The following ESYT1 variants were observed in gnomAD, a reference collection of about 807,000 sequenced individuals.
ESYT1 encodes extended synaptotagmin 1, also known as extended synaptotagmin-1.
Under a neutral mutation model 154.2 loss-of-function variants are expected in ESYT1, and 116 were observed. The observed-to-expected ratio is 0.75, with a 90% confidence interval of 0.65 to 0.88. The LOEUF (loss-of-function observed/expected upper bound fraction) is 0.88. ESYT1 is among the 40% of genes least tolerant of loss of function. ESYT1 has a pLI of 0.00. For missense variants in ESYT1, 1,264 were observed against 1,379.3 expected (o/e 0.92, Z 1.32); for synonymous variants, 500 against 539.9 (o/e 0.93, Z 1.02).
At position 56,132,542 on chromosome 12, in the gene ESYT1, T is replaced by C; in HGVS notation, c.1106T>C (p.Phe369Ser). The part of the protein sequence containing the change: ...YALVRLGTQT[F>S]CSRVIDEELN... Reference sequence around the variant, plus strand: ...CTTGTGCGTTTGGGTACCCAGACATTCTGCAGTCGTGTCATTGATGAAGAA... The same window carrying C: ...CTTGTGCGTTTGGGTACCCAGACATCCTGCAGTCGTGTCATTGATGAAGAA... The change falls in exon 9 of 31, where the codon TTC becomes TCC. Residue 369 changes from phenylalanine (F) to serine (S), a missense_variant. Phe to Ser is a radical substitution (Grantham distance 155). Transcript: ENST00000394048. 6.2e-7 allele frequency: 1 copy of C among 1,614,170 alleles called. No homozygotes were observed. The highest frequency in any genetic ancestry group is 1.1e-5 in the South Asian group (1 of 91,088).
chr12:56,130,144 C>T (rs1870172675), intron 1 of ESYT1, among the ~76,000 whole-genome samples: 1 of 152,104 alleles, frequency 6.6e-6, no homozygotes, highest in African/African-American at 2.4e-5. Context: ...AACTCCTGAC[C>T]TCGTGATCCG....
chr12:56,130,302 C>G lies in ESYT1; in HGVS notation c.391-280C>G, dbSNP rs1256695856. The G allele has an allele frequency of 7.4e-6, 4 of 539,762 alleles. No homozygotes were observed. The Admixed American group carries it at 9.2e-5, about 12-fold the overall frequency. The allele number at this position is 539,762 out of a possible 1,614,324, so 33.4% of individuals were successfully genotyped here. ...GAAAGAATGCGCCCTTCTCCTCCTC[C>G]CGCTCCTCTCTCTCTCAGCAGCTGT... On this transcript the variant is annotated intron_variant, in intron 1 of 30. Transcript: ENST00000394048.
rs970447217 is a variant in ESYT1 at position 56,131,134 on chromosome 12, T to A, written c.641+21T>A. On this transcript the variant is annotated intron_variant, in intron 4 of 30. Transcript: ENST00000394048. ...ATCAGGTAATACCACTCACCACTCT[T>A]ACTGCTTCCCCTTCAATGTGTCCTG... is the stretch of plus-strand genomic sequence containing the variant. 6.8e-6 allele frequency: 11 copies of A among 1,613,886 alleles called. No homozygotes were observed. The African/African-American group carries it at 1.2e-4, about 18-fold the overall frequency.
intron 9 of ESYT1, 54 bp downstream of exon 9, chr12:56,132,651 G>A: frequency 1.2e-6 from 2 of 1,613,858 alleles, no homozygotes; most frequent in Non-Finnish European, 1.7e-6. Flanking sequence ...GGTTGTGAGA[G>A]AAGATGCTGA....
chr12:56,134,077 A>G (rs564516264), intron 13 of ESYT1, 33 bp from the exon 14 acceptor site: 3 of 1,613,364 alleles, frequency 1.9e-6, no homozygotes, highest in Non-Finnish European at 2.5e-6. Flanking sequence ...CGAATCCCCC[A>G]AGATGGTGAC....
chr12:56,128,716 G>T lies in ESYT1; in HGVS notation c.390+7G>T, dbSNP rs768946028. 2 of 1,612,682 alleles carry T rather than the reference G, an allele frequency of 1.2e-6. No homozygotes were observed. The highest frequency in any genetic ancestry group is 1.7e-6 in the Non-Finnish European group (2 of 1,180,012). On this transcript the variant is annotated splice_region_variant and intron_variant, in intron 1 of 30. Coordinates refer to ENST00000394048, the MANE Select transcript of ESYT1 (RefSeq NM_015292.3). Reference sequence around the variant, plus strand: ...TCGAGAGCTACCTGCCTGGGTGAGCGACCACCCTCGGTCCTCTGTGCAGCA... The same window carrying T: ...TCGAGAGCTACCTGCCTGGGTGAGCTACCACCCTCGGTCCTCTGTGCAGCA...
At chr12:56,134,577 C>T (rs1870372312) in intron 15 of ESYT1, 149 bp downstream of exon 15, 5 of 692,926 alleles carry the variant, frequency 7.2e-6, no homozygotes, top group African/African-American at 1.8e-5. Flanking sequence ...CTCCATTGTT[C>T]CCCAACTGTC....
rs201551054 is a variant in ESYT1, at chr12:56,133,750, C to A, written c.1381-31C>A. On this transcript the variant is annotated intron_variant, in intron 12 of 30. Coordinates refer to ENST00000394048, the MANE Select transcript of ESYT1 (RefSeq NM_015292.3). Reference sequence around the variant, plus strand: ...AAGTGTAGGGGACTTGGAACGGGGACCAAGATCTGACTACTACCACCCCTC... The same window carrying A: ...AAGTGTAGGGGACTTGGAACGGGGAACAAGATCTGACTACTACCACCCCTC... The A allele has an allele frequency of 5.0e-6, 8 of 1,613,068 alleles. 1 individual carries two copies. In the East Asian group the frequency reaches 1.8e-4, roughly 36 times the overall value.
At chr12:56,138,622 G>A in intron 22 of ESYT1, 123 bp downstream of exon 22, 3 of 1,286,200 alleles carry the variant, frequency 2.3e-6, no homozygotes, top group Non-Finnish European at 3.3e-6. Flanking sequence ...GGTAGTGCAG[G>A]GGTGGGAAAA....
At position 56,144,375 on chromosome 12, in the gene ESYT1, C is replaced by T. The variant is rs1156933718; in HGVS notation, c.*513C>T. The T allele has an allele frequency of 5.0e-6, 5 of 996,876 alleles. No homozygotes were observed. In the African/African-American group the frequency reaches 8.7e-5, roughly 17 times the overall value. The allele number at this position is 996,876 out of a possible 1,614,324, so 61.8% of individuals were successfully genotyped here. A position where few individuals can be genotyped will look rare whatever the true frequency, so the allele number is the denominator to read the frequency against. ...GCCCCCATGTCCAGTTCTGTCCCCA[C>T]TGTCCTCAACCCTGTCCTGAAAATT... On this transcript the variant is annotated 3_prime_UTR_variant, in exon 31 of 31. Transcript: ENST00000394048.
At position 56,144,665 on chromosome 12, in the gene ESYT1, A is replaced by C. The variant is rs909830423; in HGVS notation, c.*803A>C. On this transcript the variant is annotated 3_prime_UTR_variant, in exon 31 of 31. Transcript: ENST00000394048. ...CACTGGATCTTACATTAAACATCAT[A>C]CTCAAACCAGCTGTGGTTCTTTTCC... 1 of 985,316 alleles carries C rather than the reference A, an allele frequency of 1.0e-6. No individual in the cohort carries two copies. Among genetic ancestry groups the C allele is most frequent in the African/African-American group, 1.7e-5 (1 of 57,316 alleles). 61.0% of individuals were successfully genotyped at this position (985,316 alleles called of 1,614,324 possible). A position where few individuals can be genotyped will look rare whatever the true frequency, so the allele number is the denominator to read the frequency against.
chr12:56,138,090 G>A lies in ESYT1; in HGVS notation c.2247+16G>A. 2 of 1,614,136 alleles carry A rather than the reference G, an allele frequency of 1.2e-6. No homozygotes were observed. Among genetic ancestry groups the A allele is most frequent in the Non-Finnish European group, 1.7e-6 (2 of 1,180,008 alleles). ...CCTTGATGAGGTGAGCATTGAATTA[G>A]AGTCAACAACCCCTCCTGATCCTGC... On this transcript the variant is annotated intron_variant, in intron 20 of 30. Transcript: ENST00000394048.
Position 56,142,635 on chromosome 12 carries a change from T to G in ESYT1, c.2791T>G (p.Ser931Ala), listed in dbSNP as rs201494518. The change falls in exon 26 of 31, where the codon TCC (serine) becomes GCC (alanine). Residue 931 changes from serine to alanine, a missense_variant. By Grantham distance (99) the Ser-to-Ala change is moderately conservative (BLOSUM62 1). Coordinates refer to ENST00000394048, the MANE Select transcript of ESYT1 (RefSeq NM_015292.3). The surrounding 1 kb of genome is among the most constrained non-coding windows in gnomAD (Gnocchi z 4.1). ...EAHSHSYSHS[S>A]SSLSEEPELS... ...TCATAGCCACAGCTACAGCCACAGC[T>G]CCTCATCGCTGAGTGAAGAACCAGA... 6.2e-7 allele frequency: 1 copy of G among 1,613,912 alleles called. No homozygotes were observed. The highest frequency in any genetic ancestry group is 2.2e-5 in the East Asian group (1 of 44,854).
chr12:56,132,769 C>G lies in ESYT1; in HGVS notation c.1212C>G (p.Asp404Glu), dbSNP rs746480776. 6.2e-7 allele frequency: 1 copy of G among 1,614,082 alleles called. No individual in the cohort carries two copies. The highest frequency in any genetic ancestry group is 1.3e-5 in the African/African-American group (1 of 74,994). ...PGQEIEVEVFDKDPDKDDFLG... is the reference protein window; with the variant it reads ...PGQEIEVEVFEKDPDKDDFLG... Reference sequence around the variant, plus strand: ...AGGAGATTGAAGTGGAGGTGTTCGACAAGGATCCAGATAAAGATGACTTTC... The same window carrying G: ...AGGAGATTGAAGTGGAGGTGTTCGAGAAGGATCCAGATAAAGATGACTTTC... The change falls in exon 10 of 31, where the codon GAC becomes GAG. Residue 404 changes from aspartate to glutamate, a missense_variant. By Grantham distance (45) the Asp-to-Glu change is conservative. Coordinates refer to ENST00000394048, the MANE Select transcript of ESYT1 (RefSeq NM_015292.3).
Position 56,142,625 on chromosome 12 carries a change from C to G in ESYT1, c.2781C>G (p.Tyr927Ter). Reference sequence around the variant, plus strand: ...GAGTGGAAGCTCATAGCCACAGCTACAGCCACAGCTCCTCATCGCTGAGTG... The same window carrying G: ...GAGTGGAAGCTCATAGCCACAGCTAGAGCCACAGCTCCTCATCGCTGAGTG... ...HSGVEAHSHS[Y>*]SHSSSSLSEE... Residue 927 changes from tyrosine (Y) to a stop codon, truncating the protein, a stop_gained, in exon 26 of 31, where the codon TAC becomes TAG. Coordinates refer to ENST00000394048, the MANE Select transcript of ESYT1 (RefSeq NM_015292.3). LOFTEE classifies it high-confidence loss of function. This position sits in a 1 kb window ranked among gnomAD's most constrained non-coding sequence, Gnocchi z 4.1. 6.2e-7 allele frequency: 1 copy of G among 1,614,128 alleles called. No individual in the cohort carries two copies. The highest frequency in any genetic ancestry group is 1.1e-5 in the South Asian group (1 of 91,080).
In ESYT1 at chr12:56,137,348, C is replaced by G; in HGVS notation, c.1913C>G (p.Thr638Ser). The G allele has an allele frequency of 6.2e-7, 1 of 1,614,224 alleles. No individual in the cohort carries two copies. The highest frequency in any genetic ancestry group is 8.5e-7 in the Non-Finnish European group (1 of 1,180,044). The change falls in exon 17 of 31, where the codon ACT becomes AGT. Residue 638 changes from threonine to serine, a missense_variant. By Grantham distance (58) the Thr-to-Ser change is moderately conservative. Coordinates refer to ENST00000394048, the MANE Select transcript of ESYT1 (RefSeq NM_015292.3). ...GCCCCACCTCGACCCTGTCACACGA[C>G]TCCTGATAGCCAGTTTGGGACTGAG... ...VDAPPRPCHT[T>S]PDSQFGTEHV...
At position 56,143,486 on chromosome 12, in the gene ESYT1, G is replaced by C. The variant is rs1333527636; in HGVS notation, c.3226-94G>C. 3 of 1,563,096 alleles carry C rather than the reference G, an allele frequency of 1.9e-6. No homozygotes were observed. In the Admixed American group the frequency reaches 5.0e-5, roughly 26 times the overall value. On this transcript the variant is annotated intron_variant, in intron 29 of 30. Transcript: ENST00000394048. ...GACGAGTATGTGATGAAGGAACATG[G>C]TCTTTGGAGATTTCAAAACAGCATC...
At chr12:56,140,886 ACT>A (rs1870660803) in intron 24 of ESYT1, among the ~76,000 whole-genome samples, 2 of 152,002 alleles carry the variant, frequency 1.3e-5, no homozygotes, top group African/African-American at 2.4e-5. Context: ...CTAGACACTA[ACT>A]CTGGGGTTTT....
chr12:56,138,457 G>A lies in ESYT1; in HGVS notation c.2391G>A (p.Ala797=), dbSNP rs144130518. ...IQTQKSAELA[A]ALLSIYMERA... Reference sequence around the variant, plus strand: ...CTCAGAAGAGTGCGGAGCTGGCTGCGGCCCTGCTATCCATCTATATGGAGC... The same window carrying A: ...CTCAGAAGAGTGCGGAGCTGGCTGCAGCCCTGCTATCCATCTATATGGAGC... Residue 797 remains alanine (A), a synonymous_variant, in exon 22 of 31, where the codon GCG becomes GCA. Coordinates refer to ENST00000394048, the MANE Select transcript of ESYT1 (RefSeq NM_015292.3). 79 of 1,612,564 alleles carry A rather than the reference G, an allele frequency of 4.9e-5. No individual in the cohort carries two copies. Among genetic ancestry groups the A allele is most frequent in the African/African-American group, 4.7e-4 (35 of 74,928 alleles).
Sources: gnomAD v4.1 joint callset for allele counts (sites outside exome capture counted in the v4.1 genomes callset) on GRCh38, gnomAD v4.1.1 for gene constraint, Gnocchi (gnomAD v3.1) non-coding constraint, MANE v1.5 for transcripts, NCBI Gene and HGNC (gene_info 2026-07-23, HGNC 2026-07-21) for gene names.